The following GLIS1 variants were observed in gnomAD, a reference collection of about 807,000 sequenced individuals.
GLIS1 encodes zinc finger protein GLIS1.
A neutral mutation model predicts 63.8 loss-of-function variants in GLIS1; 24 were observed. The ratio of observed to expected loss-of-function variants is 0.38; its 90% confidence interval spans 0.27 to 0.53. GLIS1 has a LOEUF of 0.53. GLIS1 is among the 20% of genes least tolerant of loss of function. The pLI is 0.85. For missense variants in GLIS1, 1,036 were observed against 1,074.1 expected, an observed-to-expected ratio of 0.96 and a Z score of 0.50; for synonymous variants, 450 against 482.5, an observed-to-expected ratio of 0.93 and a Z score of 0.88.
At chr1:53,653,191 T>C (rs192560933) in intron 2 of GLIS1, among the ~76,000 whole-genome samples, 248 of 152,322 alleles carry the variant, frequency 1.6e-3, no homozygotes, top group Non-Finnish European at 2.7e-3. Flanking sequence ...AAAAAGTGGC[T>C]GGGGATATTG....
intron 2 of GLIS1, among the ~76,000 whole-genome samples, chr1:53,721,330 C>A (rs1014755348): frequency 1.3e-5 from 2 of 152,194 alleles, no homozygotes; most frequent in African/African-American, 2.4e-5. Context: ...ATTTCTTCAT[C>A]TGCAAATCGG....
chr1:53,515,844 A>G (rs1346977493), intron 7 of GLIS1, among the ~76,000 whole-genome samples: 2 of 146,572 alleles, frequency 1.4e-5, no homozygotes, highest in Non-Finnish European at 3.0e-5. Context: ...AAAAAAAAAG[A>G]ATGCACCTGA....
intron 2 of GLIS1, among the ~76,000 whole-genome samples, chr1:53,688,335 T>A (rs777524251): frequency 1.3e-5 from 2 of 152,136 alleles, no homozygotes; most frequent in Non-Finnish European, 2.9e-5. Context: ...CTTTGCAGGG[T>A]AGAGGTGGGG....
intron 2 of GLIS1, among the ~76,000 whole-genome samples, chr1:53,602,304 C>T (rs1243388538): frequency 2.0e-5 from 3 of 152,144 alleles, no homozygotes; most frequent in Non-Finnish European, 4.4e-5. Context: ...TTTTCCAAAT[C>T]GTTTCTGCAT....
chr1:53,506,790 G>T lies in GLIS1; in HGVS notation c.2231-14C>A, dbSNP rs769226849. On this transcript the variant is annotated splice_polypyrimidine_tract_variant and intron_variant, in intron 10 of 10. Coordinates refer to ENST00000628545, the MANE Select transcript of GLIS1 (RefSeq NM_001367484.1). Reference sequence around the variant, plus strand: ...GGGCCTCATAGCCTGTGAGTGGTTGGGAAAGGGTCAGCGCTGGAGGCAGCA... The same window carrying T: ...GGGCCTCATAGCCTGTGAGTGGTTGTGAAAGGGTCAGCGCTGGAGGCAGCA... 3 of 1,605,810 alleles carry T rather than the reference G, an allele frequency of 1.9e-6. 1 individual carries two copies. The South Asian group carries it at 3.3e-5, about 18-fold the overall frequency.
Position 53,720,712 on chromosome 1 carries a change from G to A in GLIS1, c.259+17094C>T, listed in dbSNP as rs146457435. Among the ~76,000 whole-genome samples, 26 of 152,252 alleles carry A rather than the reference G, an allele frequency of 1.7e-4. 1 individual carries two copies. The highest frequency in any genetic ancestry group is 1.7e-3 in the South Asian group (8 of 4,826). On this transcript the variant is annotated intron_variant, in intron 2 of 10. Transcript: ENST00000628545. Reference sequence around the variant, plus strand: ...AATTGCCCCAATTCAATCATTACACGTTGTATGCATGTGTCAAAATACCAC... The same window carrying A: ...AATTGCCCCAATTCAATCATTACACATTGTATGCATGTGTCAAAATACCAC...
chr1:53,597,289 C>T (rs915503719), intron 3 of GLIS1, among the ~76,000 whole-genome samples: 2 of 138,894 alleles, frequency 1.4e-5, no homozygotes, highest in Non-Finnish European at 3.0e-5. Flanking sequence ...AGGAGAATGG[C>T]GTGAACCCGG....
At chr1:53,540,153 TG>T (rs1341256133) in intron 4 of GLIS1, among the ~76,000 whole-genome samples, 1 of 152,108 alleles carries the variant, frequency 6.6e-6, no homozygotes, top group Non-Finnish European at 1.5e-5. Flanking sequence ...AGCTCGGCCC[TG>T]GGAGGGAGAG....
chr1:53,734,095 C>G (rs1368352729), intron 2 of GLIS1: 1 of 984,074 alleles, frequency 1.0e-6, no homozygotes, highest in African/African-American at 1.8e-5. Flanking sequence ...AGACTGACTG[C>G]TTTTTGGCAT....
intron 4 of GLIS1, among the ~76,000 whole-genome samples, chr1:53,570,874 G>A (rs1250272930): frequency 1.3e-5 from 2 of 152,130 alleles, no homozygotes; most frequent in Non-Finnish European, 2.9e-5. Context: ...CCCATTATCA[G>A]AGGATTTATC....
chr1:53,507,647 T>C (rs1048870895), intron 10 of GLIS1, among the ~76,000 whole-genome samples: 6 of 152,360 alleles, frequency 3.9e-5, no homozygotes, highest in African/African-American at 1.4e-4. Flanking sequence ...CTGGATTTCA[T>C]GCTCTGTGTG....
At chr1:53,619,362 A>G (rs1232891860) in intron 2 of GLIS1, among the ~76,000 whole-genome samples, 4 of 152,194 alleles carry the variant, frequency 2.6e-5, no homozygotes, top group Admixed American at 6.5e-5. Flanking sequence ...ATCCTTCTTT[A>G]GTGGGGCCGC....
intron 2 of GLIS1, among the ~76,000 whole-genome samples, chr1:53,723,615 G>T (rs1646778226): frequency 6.6e-6 from 1 of 152,144 alleles, no homozygotes; most frequent in Non-Finnish European, 1.5e-5. Flanking sequence ...AGCATAGAAA[G>T]AAGACTGAAA....
At chr1:53,595,155 G>C (rs891276799) in intron 3 of GLIS1, among the ~76,000 whole-genome samples, 165 bp from the exon 4 acceptor site, 1 of 152,076 alleles carries the variant, frequency 6.6e-6, no homozygotes, top group East Asian at 1.9e-4. Context: ...CAGACTGGTT[G>C]TCTGGAAAAC....
chr1:53,608,840 G>A (rs1264131265), intron 2 of GLIS1, among the ~76,000 whole-genome samples: 4 of 152,238 alleles, frequency 2.6e-5, no homozygotes, highest in Non-Finnish European at 5.9e-5. Context: ...AGAGAGACAT[G>A]TAAGGCAAGC....
chr1:53,658,402 C>T (rs747644145), intron 2 of GLIS1, among the ~76,000 whole-genome samples: 4 of 152,186 alleles, frequency 2.6e-5, no homozygotes, highest in African/African-American at 7.2e-5. Flanking sequence ...TTATTGAATA[C>T]GTTAATGAAA....
At chr1:53,714,337 T>C (rs914455604) in intron 2 of GLIS1, among the ~76,000 whole-genome samples, 55 of 152,218 alleles carry the variant, frequency 3.6e-4, no homozygotes, top group African/African-American at 1.2e-3. Flanking sequence ...GCTCCATAAA[T>C]GGTCACTACA....
At chr1:53,733,941 C>G in intron 2 of GLIS1, 1 of 985,416 alleles carries the variant, frequency 1.0e-6, no homozygotes, top group Non-Finnish European at 1.2e-6. Context: ...CAAGGCCTCC[C>G]CAGAACATCA....
intron 2 of GLIS1, among the ~76,000 whole-genome samples, chr1:53,690,783 G>A (rs748699188): frequency 3.0e-4 from 46 of 152,246 alleles, no homozygotes; most frequent in Non-Finnish European, 5.9e-4. Context: ...GGAAACAGGT[G>A]ATGATGTCGA....
Sources: allele counts gnomAD v4.1 joint callset (sites outside exome capture counted in the v4.1 genomes callset), GRCh38; gene constraint gnomAD v4.1.1; transcripts MANE v1.5; gene names NCBI Gene and HGNC (gene_info 2026-07-23, HGNC 2026-07-21).